Variants in SFPQ observed in about 807,000 individuals in gnomAD.
SFPQ encodes the protein splicing factor proline and glutamine rich.
A neutral mutation model predicts 72.9 loss-of-function variants in SFPQ; 11 were observed. That is an observed-to-expected ratio of 0.15 (90% CI 0.09 to 0.25). SFPQ has a LOEUF of 0.25. Among genes scored for constraint, SFPQ ranks in the 10% least tolerant of loss-of-function variants. The probability of loss-of-function intolerance (pLI) is 1.00; values close to 1 mark genes in which losing one functional copy is unlikely to be tolerated. For synonymous variants in SFPQ, 506 were observed against 367.3 expected (o/e 1.38, Z -4.32); for missense variants, 847 against 993.3 (o/e 0.85, Z 1.98).
At chr1:35,182,934 G>T (rs752059878), downstream of SFPQ, 32 of 1,044,476 alleles carry the variant, frequency 3.1e-5, no homozygotes, top group Non-Finnish European at 3.6e-5. Flanking sequence ...CAACACCATG[G>T]AAACATTCCA....
At chr1:35,182,324 T>C (rs1021895917), downstream of SFPQ, 6 of 985,292 alleles carry the variant, frequency 6.1e-6, no homozygotes, top group East Asian at 2.3e-4. Flanking sequence ...AAATCTCTTA[T>C]GTATCACCAA....
Position 35,184,359 on chromosome 1 carries a change from TAA to T in SFPQ, c.*95_*96del. ...TAGGTCAATAAACTGCTAACATCCA[TAA>T]AAAGATAGCTTTCTTACTAAAATGC... is the stretch of plus-strand genomic sequence containing the variant. On this transcript the variant is annotated 3_prime_UTR_variant, in exon 10 of 10. Coordinates refer to ENST00000357214, the MANE Select transcript of SFPQ (RefSeq NM_005066.3). 1.9e-6 allele frequency: 3 copies of T among 1,562,444 alleles called. No individual in the cohort carries two copies. The highest frequency in any genetic ancestry group is 2.6e-6 in the Non-Finnish European group (3 of 1,162,680).
At chr1:35,179,249 C>G (rs1157371274), downstream of SFPQ, 2 of 1,061,298 alleles carry the variant, frequency 1.9e-6, no homozygotes, top group Non-Finnish European at 2.3e-6. Flanking sequence ...CAATAGGAGA[C>G]ATGCAACCCC....
downstream of SFPQ, chr1:35,179,756 A>G (rs530617593): frequency 2.4e-5 from 25 of 1,055,900 alleles, no homozygotes; most frequent in South Asian, 2.3e-4. Flanking sequence ...CATATATTAT[A>G]TACCAAGTAC....
At chr1:35,182,669 A>G (rs370919638), downstream of SFPQ, 108 of 985,422 alleles carry the variant, frequency 1.1e-4, no homozygotes, top group South Asian at 1.8e-3. Context: ...TAGCACCAAG[A>G]AAAGAGGTGA....
At position 35,192,828 on chromosome 1, in the gene SFPQ, C is replaced by CGGT; in HGVS notation, c.219_221dup (p.Pro74dup). ...GCGGCTGCTGCGGCGGTGGCTGCTG[C>CGGT]GGTGGTGGCTGTTGCTGCTGTTGGT... is the stretch of plus-strand genomic sequence containing the variant. On this transcript the variant is annotated inframe_insertion, in exon 1 of 10. Coordinates refer to ENST00000357214, the MANE Select transcript of SFPQ (RefSeq NM_005066.3). 5.3e-6 allele frequency: 8 copies of CGGT among 1,514,146 alleles called. No homozygotes were observed. Among genetic ancestry groups the CGGT allele is most frequent in the Non-Finnish European group, 7.0e-6 (8 of 1,137,980 alleles). 93.8% of individuals were successfully genotyped at this position (1,514,146 alleles called of 1,614,324 possible). A position where few individuals can be genotyped will look rare whatever the true frequency, so the allele number is the denominator to read the frequency against.
At chr1:35,181,445 A>G, downstream of SFPQ, 3 of 1,063,710 alleles carry the variant, frequency 2.8e-6, no homozygotes, top group Non-Finnish European at 3.4e-6. Context: ...TTAGCTGTTT[A>G]TATTAGTGGT....
At chr1:35,187,913 T>A in intron 7 of SFPQ, 60 bp downstream of exon 7, 1 of 1,002,088 alleles carries the variant, frequency 1.0e-6, no homozygotes, top group Non-Finnish European at 1.6e-6. Flanking sequence ...TGTAATTCCT[T>A]CTAGGTACCT....
chr1:35,192,771 C>A lies in SFPQ; in HGVS notation c.279G>T (p.Pro93=), dbSNP rs551518633. The A allele has an allele frequency of 4.0e-6, 6 of 1,500,310 alleles. No individual in the cohort carries two copies. The highest frequency in any genetic ancestry group is 1.4e-5 in the African/African-American group (1 of 69,252). The allele number at this position is 1,500,310 out of a possible 1,614,324, so 92.9% of individuals were successfully genotyped here. The part of the protein sequence containing the change: ...PPHQPPPHPQ[P]HQQQQPPPPP... ...GTGGCGGCGGCTGCTGCTGCTGATGCGGCTGTGGATGCGGCGGCGGCTGAT... is the reference window on the plus strand; with the variant it reads ...GTGGCGGCGGCTGCTGCTGCTGATGAGGCTGTGGATGCGGCGGCGGCTGAT... The change falls in exon 1 of 10, where the codon CCG becomes CCT. Residue 93 remains proline, a synonymous_variant. Transcript: ENST00000357214.
At chr1:35,182,489 G>A (rs775505987), downstream of SFPQ, 74 of 985,266 alleles carry the variant, frequency 7.5e-5, no homozygotes, top group Non-Finnish European at 8.4e-5. Flanking sequence ...CATACAACCA[G>A]TATTTGGTGA....
At position 35,190,267 on chromosome 1, in the gene SFPQ, T is replaced by C. The variant is rs577981022; in HGVS notation, c.1415+231A>G. Among the ~76,000 whole-genome samples the C allele has an allele frequency of 8.3e-4, 126 of 152,356 alleles. No individual in the cohort carries two copies. The Middle Eastern group carries it at 0.014, about 16-fold the overall frequency. On this transcript the variant is annotated intron_variant, in intron 4 of 9. Transcript: ENST00000357214. Reference sequence around the variant, plus strand: ...AGAGACTCAGTCACACACGTGACTTTATGCCATTATTGCAGGGACAAAACA... The same window carrying C: ...AGAGACTCAGTCACACACGTGACTTCATGCCATTATTGCAGGGACAAAACA...
downstream of SFPQ, chr1:35,182,253 A>G (rs1639499504): frequency 1.0e-6 from 1 of 985,230 alleles, no homozygotes; most frequent in African/African-American, 1.7e-5. Context: ...AGTCCCTACT[A>G]TATAATTCAA....
downstream of SFPQ, chr1:35,178,765 T>C: frequency 9.5e-7 from 1 of 1,054,342 alleles, no homozygotes; most frequent in Non-Finnish European, 1.1e-6. Flanking sequence ...CTGCAAAGGG[T>C]ATATGAAGTA....
chr1:35,179,762 A>C (rs1470685036), downstream of SFPQ: 4 of 1,055,674 alleles, frequency 3.8e-6, no homozygotes, highest in East Asian at 2.1e-4. Context: ...TTATATACCA[A>C]GTACATTCTC....
intron 9 of SFPQ, 120 bp downstream of exon 9, chr1:35,186,881 G>T: frequency 1.1e-6 from 1 of 922,830 alleles, no homozygotes; most frequent in Non-Finnish European, 1.6e-6. Flanking sequence ...TATGAAATTG[G>T]TAGGGGAAAC....
chr1:35,192,394 C>G lies in SFPQ; in HGVS notation c.656G>C (p.Gly219Ala). ...AGGCGTACTTAGGCCCGGGCCGCCA[C>G]CTGGCTTCGGCCCGCCAGGCATTTT... ...GGKMPGGPKP[G>A]GGPGLSTPGG... The change falls in exon 1 of 10, where the codon GGT becomes GCT. Residue 219 changes from glycine (G) to alanine (A), a missense_variant. Physicochemically the swap from Gly to Ala is moderately conservative, Grantham distance 60. Transcript: ENST00000357214. 1 of 1,417,890 alleles carries G rather than the reference C, an allele frequency of 7.1e-7. No homozygotes were observed. The highest frequency in any genetic ancestry group is 9.1e-7 in the Non-Finnish European group (1 of 1,094,430). 87.8% of individuals were successfully genotyped at this position (1,417,890 alleles called of 1,614,324 possible).
rs1557818614 is a variant in SFPQ, at chr1:35,192,741, C to CGGCGGT, written c.303_308dup (p.Pro102_Pro103dup). 6.7e-6 allele frequency: 10 copies of CGGCGGT among 1,492,980 alleles called. No individual in the cohort carries two copies. The East Asian group carries it at 8.1e-5, about 12-fold the overall frequency. 92.5% of individuals were successfully genotyped at this position (1,492,980 alleles called of 1,614,324 possible). A position where few individuals can be genotyped will look rare whatever the true frequency, so the allele number is the denominator to read the frequency against. On this transcript the variant is annotated inframe_insertion, in exon 1 of 10. Coordinates refer to ENST00000357214, the MANE Select transcript of SFPQ (RefSeq NM_005066.3). ...CAACGACGGGCTTGGAAGAGTCCTG[C>CGGCGGT]GGCGGTGGCGGCGGCTGCTGCTGCT...
Position 35,188,078 on chromosome 1 carries a change from T to C in SFPQ, c.1710A>G (p.Glu570=), listed in dbSNP as rs1228254812. The C allele has an allele frequency of 3.1e-6, 5 of 1,612,808 alleles. No homozygotes were observed. Among genetic ancestry groups the C allele is most frequent in the Middle Eastern group, 1.6e-4 (1 of 6,084 alleles). ...RKEMQLRQEE[E]RRRREEEMMI... is the part of the protein sequence containing the mutation. The stretch of plus-strand genomic sequence containing the variant: ...TCATCTCTTCCTCTCTTCTACGTCG[T>C]TCCTCCTCTTGCCTAGAAATACCCA... The change falls in exon 7 of 10, where the codon GAA becomes GAG. Residue 570 remains glutamate, a synonymous_variant. Transcript: ENST00000357214.
At position 35,184,056 on chromosome 1, in the gene SFPQ, T is replaced by C; in HGVS notation, c.*400A>G. ...TTCAAAGGCCTAGACACTCTCATGC[T>C]TTCAATGTGGAATACGTAGCCTAAT... On this transcript the variant is annotated 3_prime_UTR_variant, in exon 10 of 10. Coordinates refer to ENST00000357214, the MANE Select transcript of SFPQ (RefSeq NM_005066.3). 9.3e-7 allele frequency: 1 copy of C among 1,075,526 alleles called. No individual in the cohort carries two copies. The highest frequency in any genetic ancestry group is 1.1e-6 in the Non-Finnish European group (1 of 887,248). 66.6% of individuals were successfully genotyped at this position (1,075,526 alleles called of 1,614,324 possible). A position where few individuals can be genotyped will look rare whatever the true frequency, so the allele number is the denominator to read the frequency against.
Sources: gnomAD v4.1 joint callset for allele counts (sites outside exome capture counted in the v4.1 genomes callset) on GRCh38, gnomAD v4.1.1 for gene constraint, MANE v1.5 for transcripts, NCBI Gene and HGNC (gene_info 2026-07-23, HGNC 2026-07-21) for gene names.